The following DHRS12 variants were observed in gnomAD, a reference collection of about 807,000 sequenced individuals.
The protein encoded by DHRS12 is dehydrogenase/reductase 12.
Under a neutral mutation model 32.1 loss-of-function variants are expected in DHRS12, and 29 were observed. That is an observed-to-expected ratio of 0.90 (90% CI 0.67 to 1.23). DHRS12 has a LOEUF of 1.23. Ranked by LOEUF, DHRS12 falls within the 50% of genes most tolerant of loss-of-function variation. The pLI is 0.00. For synonymous variants in DHRS12, 150 were observed against 135.9 expected, an observed-to-expected ratio of 1.10 and a Z score of -0.72; for missense variants, 330 against 337.2, an observed-to-expected ratio of 0.98 and a Z score of 0.17.
chr13:51,803,947 G>T, intron 1 of DHRS12, 107 bp downstream of exon 1: 1 of 1,080,196 alleles, frequency 9.3e-7, no homozygotes, highest in Non-Finnish European at 1.2e-6. Context: ...AGTCGGCCCA[G>T]CGAGAGGGCG....
At chr13:51,777,195 G>A in intron 4 of DHRS12, 74 bp from the exon 5 acceptor site, 1 of 1,568,372 alleles carries the variant, frequency 6.4e-7, no homozygotes, top group Non-Finnish European at 8.8e-7. Context: ...GGACTGATGT[G>A]GGGACTGTCT....
At chr13:51,758,268 T>C in the DHRS12 span, 2 of 1,599,932 alleles carry the variant, frequency 1.3e-6, no homozygotes, top group Non-Finnish European at 1.7e-6. Context: ...CAGAGGATGG[T>C]TACTGACTTC....
In DHRS12 at chr13:51,778,897, G is replaced by A. The variant is rs74925108; in HGVS notation, c.302-1776C>T. 3.4e-4 allele frequency among the ~76,000 whole-genome samples: 52 copies of A among 152,198 alleles called. 2 individuals are homozygous for A. In the East Asian group the frequency reaches 0.01, roughly 29 times the overall value. The stretch of plus-strand genomic sequence containing the variant: ...TAATACACAATATATAAGTATGTAT[G>A]TGCATACATATGTGTGTACACATAT... On this transcript the variant is annotated intron_variant, in intron 4 of 8. Transcript: ENST00000444610.
intron 4 of DHRS12, among the ~76,000 whole-genome samples, chr13:51,780,080 G>C (rs1954631155): frequency 6.6e-6 from 1 of 152,116 alleles, no homozygotes; most frequent in African/African-American, 2.4e-5. Flanking sequence ...GGGAGGCTGA[G>C]GCAGGAGAAT....
chr13:51,789,443 C>G (rs1432270107), intron 4 of DHRS12: 1 of 728,976 alleles, frequency 1.4e-6, no homozygotes, highest in Non-Finnish European at 1.7e-6. Flanking sequence ...TCCAGAGTTT[C>G]AGATTCTGTA....
chr13:51,779,625 A>G (rs1313721030), intron 4 of DHRS12, among the ~76,000 whole-genome samples: 2 of 152,224 alleles, frequency 1.3e-5, no homozygotes, highest in Admixed American at 1.3e-4. Flanking sequence ...GTCCATGGAC[A>G]ACAGTCCCAG....
chr13:51,779,315 T>A (rs1478473273), intron 4 of DHRS12, among the ~76,000 whole-genome samples: 1 of 152,182 alleles, frequency 6.6e-6, no homozygotes, highest in African/African-American at 2.4e-5. Flanking sequence ...TTGGGAAACA[T>A]GCCCCATTCC....
chr13:51,787,129 A>G (rs907956729), intron 4 of DHRS12, among the ~76,000 whole-genome samples: 4 of 152,186 alleles, frequency 2.6e-5, no homozygotes, highest in Admixed American at 6.5e-5. Context: ...TCAAAGCCCG[A>G]GAATTATTAC....
chr13:51,784,235 G>A (rs1457340641), intron 4 of DHRS12, among the ~76,000 whole-genome samples: 3 of 152,182 alleles, frequency 2.0e-5, no homozygotes, highest in African/African-American at 4.8e-5. Flanking sequence ...CCCATCAGCA[G>A]GTGGCTTCTG....
intron 6 of DHRS12, among the ~76,000 whole-genome samples, chr13:51,772,430 C>T (rs1485696341): frequency 6.6e-6 from 1 of 152,154 alleles, no homozygotes; most frequent in Non-Finnish European, 1.5e-5. Flanking sequence ...CAAGACCAGC[C>T]TGGCCAACGT....
At chr13:51,786,559 C>T (rs902744015) in intron 4 of DHRS12, among the ~76,000 whole-genome samples, 8 of 152,204 alleles carry the variant, frequency 5.3e-5, no homozygotes, top group African/African-American at 1.9e-4. Flanking sequence ...GGGCAGCTCG[C>T]TTTTGTCCCT....
chr13:51,773,060 C>A, intron 6 of DHRS12: 1 of 985,402 alleles, frequency 1.0e-6, no homozygotes, highest in Non-Finnish European at 1.2e-6. Flanking sequence ...AGGGCAAGAA[C>A]TGTAAATATG....
In DHRS12 at chr13:51,772,521, G is replaced by A. The variant is rs546449923; in HGVS notation, c.469-610C>T. 7.6e-6 allele frequency: 5 copies of A among 660,426 alleles called. No homozygotes were observed. The African/African-American group carries it at 9.8e-5, about 13-fold the overall frequency. The allele number at this position is 660,426 out of a possible 1,614,324, so 40.9% of individuals were successfully genotyped here. A position where few individuals can be genotyped will look rare whatever the true frequency, so the allele number is the denominator to read the frequency against. The stretch of plus-strand genomic sequence containing the variant: ...AAATCAAAATGATTTGGATTTTGGA[G>A]CTGTAATCCCAGCTACTCAGGAGGC... On this transcript the variant is annotated intron_variant, in intron 6 of 8. Coordinates refer to ENST00000444610, the MANE Select transcript of DHRS12 (RefSeq NM_001377533.1).
In DHRS12 at chr13:51,794,502, C is replaced by G. The variant is rs1208995772; in HGVS notation, c.127-3245G>C. ...AGAAATCCACATTGGCCTGGAAGAG[C>G]TGGAGAGTCGAAACCCGTTTTTTAT... On this transcript the variant is annotated intron_variant, in intron 2 of 8. Coordinates refer to ENST00000444610, the MANE Select transcript of DHRS12 (RefSeq NM_001377533.1). Among the ~76,000 whole-genome samples, 11 of 152,320 alleles carry G rather than the reference C, an allele frequency of 7.2e-5. No homozygotes were observed. In the East Asian group the frequency reaches 2.1e-3, roughly 29 times the overall value.
intron 6 of DHRS12, chr13:51,773,169 T>G: frequency 6.6e-6 from 5 of 757,236 alleles, no homozygotes; most frequent in Non-Finnish European, 8.0e-6. Flanking sequence ...GGCCCAGAAG[T>G]GTTTCAAGTT....
At chr13:51,770,033 CAAGGA>C (rs980679470) in intron 7 of DHRS12, among the ~76,000 whole-genome samples, 42 of 152,066 alleles carry the variant, frequency 2.8e-4, no homozygotes, top group African/African-American at 9.7e-4. Context: ...CTCTCGAAGC[CAAGGA>C]AAGAAAATAA....
intron 2 of DHRS12, among the ~76,000 whole-genome samples, chr13:51,794,793 T>A (rs370060465): frequency 1.3e-3 from 8 of 5,954 alleles, no homozygotes; most frequent in African/African-American, 2.5e-3. Flanking sequence ...AAAATAGAAG[T>A]TTTTTTTTTT....
chr13:51,793,162 C>G (rs1955357676), intron 2 of DHRS12, among the ~76,000 whole-genome samples: 1 of 152,184 alleles, frequency 6.6e-6, no homozygotes, highest in Non-Finnish European at 1.5e-5. Context: ...CAGTCATAGG[C>G]ATGGTAGTCG....
At chr13:51,771,787 G>C (rs199994389) in intron 7 of DHRS12, 34 bp downstream of exon 7, 1 of 1,609,270 alleles carries the variant, frequency 6.2e-7, no homozygotes, top group Non-Finnish European at 8.5e-7. Flanking sequence ...TAGATGAAAC[G>C]TAAGTGGCTC....
Sources: gnomAD v4.1 joint callset for allele counts (sites outside exome capture counted in the v4.1 genomes callset) on GRCh38, gnomAD v4.1.1 for gene constraint, MANE v1.5 for transcripts, NCBI Gene and HGNC (gene_info 2026-07-23, HGNC 2026-07-21) for gene names.